TRIT1: variants seen among roughly 807,000 people sequenced by gnomAD.
TRIT1 encodes the protein tRNA isopentenyltransferase 1, also known as tRNA dimethylallyltransferase.
TRIT1 carries 43 observed loss-of-function variants against 51.2 expected under a neutral mutation model. The ratio of observed to expected loss-of-function variants is 0.84; its 90% CI spans 0.66 to 1.08. The LOEUF is 1.08. Ranked by LOEUF, TRIT1 falls within the 50% of genes least tolerant of loss-of-function variation. The pLI, the probability that TRIT1 is intolerant of heterozygous loss-of-function variation, is 0.00. For missense variants in TRIT1, 528 were observed against 578.4 expected (o/e 0.91, Z 0.89); for synonymous variants, 184 against 203.9 (o/e 0.90, Z 0.83).
chr1:39,868,510 G>C lies in TRIT1; in HGVS notation c.175-11093C>G, dbSNP rs941426780. 2.0e-5 allele frequency among the ~76,000 whole-genome samples: 3 copies of C among 152,080 alleles called. No individual in the cohort carries two copies. In the East Asian group the frequency reaches 5.8e-4, roughly 30 times the overall value. On this transcript the variant is annotated intron_variant, in intron 1 of 10. Coordinates refer to ENST00000316891, the MANE Select transcript of TRIT1 (RefSeq NM_017646.6). Reference sequence around the variant, plus strand: ...ATACAAAAAATTAGCCAGGCGTGCTGGCAAGCACCTATAATCCCAGCTACT... The same window carrying C: ...ATACAAAAAATTAGCCAGGCGTGCTCGCAAGCACCTATAATCCCAGCTACT...
rs370306541 is a variant in TRIT1 at position 39,850,209 on chromosome 1, G to A, written c.613C>T (p.Arg205Cys). The change falls in exon 5 of 11, where the codon CGT becomes TGT. Residue 205 changes from arginine to cysteine, a missense_variant. This residue lies in a region of TRIT1 where 468 missense variants were observed against 522.6 expected (regional missense o/e 0.90). Transcript: ENST00000316891. ...CCACCACCTTCTTCCGTATGTTGAC[G>A]ATGGAGAAATTCACTATGAGAGATT... is the stretch of plus-strand genomic sequence containing the variant. ...TGISHSEFLH[R>C]QHTEEGGGPL... 23 of 1,614,156 alleles carry A rather than the reference G, an allele frequency of 1.4e-5. No individual in the cohort carries two copies. The African/African-American group carries it at 1.6e-4, about 11-fold the overall frequency.
chr1:39,842,027 G>A (rs1569949587), intron 10 of TRIT1, 114 bp from the exon 11 acceptor site: 2 of 1,191,472 alleles, frequency 1.7e-6, no homozygotes, highest in East Asian at 5.1e-5. Flanking sequence ...ACAATAAACA[G>A]CAAGATCAAC....
chr1:39,872,091 T>TG (rs1643899060), intron 1 of TRIT1, among the ~76,000 whole-genome samples: 1 of 136,862 alleles, frequency 7.3e-6, no homozygotes, highest in Non-Finnish European at 1.6e-5. Flanking sequence ...TTTTTTTTTT[T>TG]GTAGAGATGG....
At chr1:39,874,988 G>C (rs1381295399) in intron 1 of TRIT1, among the ~76,000 whole-genome samples, 3 of 151,846 alleles carry the variant, frequency 2.0e-5, no homozygotes, top group Admixed American at 6.6e-5. Flanking sequence ...TCATTTTTCT[G>C]AACACAAAAA....
At position 39,840,325 on chromosome 1, in the gene TRIT1, TTAGA is replaced by T. The variant is rs1413715879; in HGVS notation, c.*1415_*1418del. On this transcript the variant is annotated 3_prime_UTR_variant, in exon 11 of 11. Coordinates refer to ENST00000316891, the MANE Select transcript of TRIT1 (RefSeq NM_017646.6). ...GCACTGTTTAAAAAGGTCAATCAAG[TTAGA>T]TAGTTTTTTTACTCTACCTTCTCCT... 9.2e-5 allele frequency among the ~76,000 whole-genome samples: 14 copies of T among 152,198 alleles called. No individual in the cohort carries two copies. Among genetic ancestry groups the T allele is most frequent in the African/African-American group, 3.4e-4 (14 of 41,440 alleles).
At chr1:39,853,332 C>T (rs781539447) in intron 3 of TRIT1, among the ~76,000 whole-genome samples, 1 of 149,760 alleles carries the variant, frequency 6.7e-6, no homozygotes, top group Non-Finnish European at 1.5e-5. Context: ...AGGCTAATGG[C>T]TAACGTACTG....
Position 39,844,549 on chromosome 1 carries a change from G to T in TRIT1, c.1098C>A (p.Ile366=). 1 of 1,613,654 alleles carries T rather than the reference G, an allele frequency of 6.2e-7. No homozygotes were observed. Among genetic ancestry groups the T allele is most frequent in the Non-Finnish European group, 8.5e-7 (1 of 1,179,598 alleles). The part of the protein sequence containing the change: ...EESVLEPALE[I]VQSFIQGHKP... ...TAATTACCTGGATGAAACTTTGCAC[G>T]ATTTCAAGAGCAGGTTCAAGAACAG... is the stretch of plus-strand genomic sequence containing the variant. Residue 366 remains isoleucine (I), a synonymous_variant, in exon 9 of 11, where the codon ATC becomes ATA. Transcript: ENST00000316891.
chr1:39,876,753 C>A (rs1194857125), intron 1 of TRIT1, among the ~76,000 whole-genome samples: 1 of 151,514 alleles, frequency 6.6e-6, no homozygotes, highest in Non-Finnish European at 1.5e-5. Flanking sequence ...ACGGTGAAAC[C>A]CTGTCTCTAC....
In TRIT1 at chr1:39,867,214, C is replaced by T. The variant is rs188312378; in HGVS notation, c.175-9797G>A. Among the ~76,000 whole-genome samples the T allele has an allele frequency of 7.1e-3, 1,074 of 152,264 alleles. 10 individuals carry two copies. Among genetic ancestry groups the T allele is most frequent in the Non-Finnish European group, 0.012 (799 of 68,004 alleles). ...TTGCTGAAGTGCAGTGGCACAATCTCGGCTCACCGCAACCTCCACCTCCTG... is the reference window on the plus strand; with the variant it reads ...TTGCTGAAGTGCAGTGGCACAATCTTGGCTCACCGCAACCTCCACCTCCTG... On this transcript the variant is annotated intron_variant, in intron 1 of 10. Coordinates refer to ENST00000316891, the MANE Select transcript of TRIT1 (RefSeq NM_017646.6).
intron 3 of TRIT1, among the ~76,000 whole-genome samples, chr1:39,853,631 C>T (rs1194236401): frequency 1.3e-5 from 2 of 151,994 alleles, no homozygotes; most frequent in Non-Finnish European, 2.9e-5. Flanking sequence ...AGGCTGGTCT[C>T]GAACTCCTGA....
chr1:39,880,163 T>C (rs1358092657), intron 1 of TRIT1, among the ~76,000 whole-genome samples: 1 of 96,092 alleles, frequency 1.0e-5, no homozygotes, highest in East Asian at 2.9e-4. Flanking sequence ...GACAGAGCAA[T>C]ACTCCGTCTC....
In TRIT1 at chr1:39,844,655, G is replaced by A; in HGVS notation, c.1007-15C>T. The A allele has an allele frequency of 6.3e-7, 1 of 1,593,014 alleles. No homozygotes were observed. Among genetic ancestry groups the A allele is most frequent in the Non-Finnish European group, 8.6e-7 (1 of 1,161,020 alleles). ...GGGACCAGGTCCTAATGATGACAAA[G>A]AAAGGTTGTGAGAGGTCAGCCTCAA... On this transcript the variant is annotated splice_polypyrimidine_tract_variant and intron_variant, in intron 8 of 10. Coordinates refer to ENST00000316891, the MANE Select transcript of TRIT1 (RefSeq NM_017646.6).
chr1:39,846,608 C>A (rs902573380), intron 8 of TRIT1, among the ~76,000 whole-genome samples: 3 of 152,142 alleles, frequency 2.0e-5, no homozygotes, highest in African/African-American at 4.8e-5. Context: ...CTTCACTAGG[C>A]CTTCATTTTC....
chr1:39,872,060 CCTGA>C (rs904651798), intron 1 of TRIT1, among the ~76,000 whole-genome samples: 2 of 145,364 alleles, frequency 1.4e-5, no homozygotes, highest in African/African-American at 2.5e-5. Context: ...TGCTACCAGG[CCTGA>C]CTAATTTTTT....
intron 1 of TRIT1, among the ~76,000 whole-genome samples, chr1:39,860,484 T>C (rs949150646): frequency 1.3e-5 from 2 of 152,246 alleles, no homozygotes; most frequent in Non-Finnish European, 2.9e-5. Context: ...GGATGCTCAA[T>C]TGGTAAATAT....
chr1:39,842,665 T>C (rs1239731897), intron 10 of TRIT1, among the ~76,000 whole-genome samples: 1 of 152,242 alleles, frequency 6.6e-6, no homozygotes, highest in African/African-American at 2.4e-5. Flanking sequence ...TCATACAGAT[T>C]TATTTTCACT....
chr1:39,856,564 T>C (rs1378192836), intron 2 of TRIT1, among the ~76,000 whole-genome samples: 1 of 151,914 alleles, frequency 6.6e-6, no homozygotes, highest in African/African-American at 2.4e-5. Context: ...GCCACAAATA[T>C]ATCTAGTACT....
intron 1 of TRIT1, among the ~76,000 whole-genome samples, chr1:39,871,654 T>C (rs1643886732): frequency 6.6e-6 from 1 of 152,190 alleles, no homozygotes; most frequent in Admixed American, 6.5e-5. Flanking sequence ...AAAGGCTACA[T>C]ATTGTATGAT....
At chr1:39,854,307 G>A (rs1219986827) in intron 2 of TRIT1, among the ~76,000 whole-genome samples, 1 of 152,166 alleles carries the variant, frequency 6.6e-6, no homozygotes, top group Non-Finnish European at 1.5e-5. Flanking sequence ...TCCAGTTCTA[G>A]AACTTTCTAG....
Sources: allele counts gnomAD v4.1 joint callset (sites outside exome capture counted in the v4.1 genomes callset), GRCh38; gene constraint gnomAD v4.1.1; regional missense constraint gnomAD v4.1.1; transcripts MANE v1.5; gene names NCBI Gene and HGNC (gene_info 2026-07-23, HGNC 2026-07-21).